Variants in TM4SF5 observed in about 807,000 individuals in gnomAD.
The protein encoded by TM4SF5 is transmembrane 4 L six family member 5.
A neutral mutation model predicts 22.3 loss-of-function variants in TM4SF5; 16 were observed. That is an observed-to-expected ratio of 0.72 (90% CI 0.49 to 1.09). The LOEUF is 1.09. TM4SF5 is among the 50% of genes least tolerant of loss of function. The pLI is 0.00. For synonymous variants in TM4SF5, 113 were observed against 109.6 expected, an observed-to-expected ratio of 1.03 and a Z score of -0.19; for missense variants, 249 against 266.1, an observed-to-expected ratio of 0.94 and a Z score of 0.45.
At chr17:4,782,727 C>T (rs1917336065) in intron 3 of TM4SF5, 88 bp downstream of exon 3, 21 of 1,583,280 alleles carry the variant, frequency 1.3e-5, no homozygotes, top group Non-Finnish European at 1.7e-5. Context: ...GGGCGGGACT[C>T]GACTTCGAGG....
chr17:4,779,270 T>A (rs894771752), intron 1 of TM4SF5, among the ~76,000 whole-genome samples: 93 of 150,302 alleles, frequency 6.2e-4, no homozygotes, highest in Admixed American at 1.2e-3. Flanking sequence ...GTCTACAAAA[T>A]TTTTTTTAAT....
At chr17:4,781,661 C>T (rs1202353803) in intron 2 of TM4SF5, among the ~76,000 whole-genome samples, 3 of 151,580 alleles carry the variant, frequency 2.0e-5, no homozygotes, top group South Asian at 2.1e-4. Context: ...GGATTACAGG[C>T]GCCTGCCACC....
chr17:4,780,860 C>T lies in TM4SF5; in HGVS notation c.249C>T (p.Asn83=). ...GCTGTGGTGCTGGGTGCTGTGGAAA[C>T]CGCTGCAGGGTAAGATCCAGATTAA... ...KGCCGAGCCG[N]RCRMLRSVFS... is the part of the protein sequence containing the mutation. Residue 83 remains asparagine, a synonymous_variant, in exon 2 of 5, where the codon AAC becomes AAT. Coordinates refer to ENST00000270560, the MANE Select transcript of TM4SF5 (RefSeq NM_003963.3). The T allele has an allele frequency of 6.2e-7, 1 of 1,611,840 alleles. No individual in the cohort carries two copies. Among genetic ancestry groups the T allele is most frequent in the South Asian group, 1.1e-5 (1 of 90,562 alleles).
rs144996889 is a variant in TM4SF5 at position 4,780,131 on chromosome 17, C to T, written c.178-658C>T. Among the ~76,000 whole-genome samples, 469 of 150,880 alleles carry T rather than the reference C, an allele frequency of 3.1e-3. 3 individuals are homozygous for T. Among genetic ancestry groups the T allele is most frequent in the African/African-American group, 0.011 (447 of 40,978 alleles). ...AGTACAGTGGCACGATCTCAGCTCA[C>T]CACAACCTCCACCTCCCAGGTTCAA... On this transcript the variant is annotated intron_variant, in intron 1 of 4. Transcript: ENST00000270560.
chr17:4,782,457 C>T, intron 2 of TM4SF5, 46 bp from the exon 3 acceptor site: 1 of 1,610,646 alleles, frequency 6.2e-7, no homozygotes, highest in Non-Finnish European at 8.5e-7. Context: ...TCGTCACCCA[C>T]AGGTGGGGAG....
chr17:4,778,165 A>G (rs1482875575), intron 1 of TM4SF5, among the ~76,000 whole-genome samples: 1 of 152,194 alleles, frequency 6.6e-6, no homozygotes, highest in African/African-American at 2.4e-5. Flanking sequence ...GAGGTAAAGT[A>G]AGGTGTCAGC....
intron 1 of TM4SF5, among the ~76,000 whole-genome samples, chr17:4,779,810 T>C (rs926692966): frequency 1.3e-5 from 2 of 152,170 alleles, no homozygotes; most frequent in Non-Finnish European, 2.9e-5. Context: ...GGCATCAGTT[T>C]TGGAGGCAAC....
chr17:4,772,656 C>G (rs981679133), intron 1 of TM4SF5, among the ~76,000 whole-genome samples: 54 of 151,584 alleles, frequency 3.6e-4, no homozygotes, highest in African/African-American at 9.7e-4. Context: ...AGTCGTCTTC[C>G]GGGAGATGAG....
intron 3 of TM4SF5, 52 bp from the exon 4 acceptor site, chr17:4,782,802 G>T (rs1342336816): frequency 1.9e-6 from 3 of 1,583,152 alleles, no homozygotes; most frequent in Non-Finnish European, 2.6e-6. Flanking sequence ...TTGGGGGCGG[G>T]GTGGCGCACG....
intron 1 of TM4SF5, among the ~76,000 whole-genome samples, chr17:4,778,555 C>T (rs2089409748): frequency 6.6e-6 from 1 of 152,080 alleles, no homozygotes; most frequent in African/African-American, 2.4e-5. Context: ...TGCAGTGAGC[C>T]ATGATTGCAC....
intron 1 of TM4SF5, among the ~76,000 whole-genome samples, chr17:4,772,449 C>T (rs1045972556): frequency 1.3e-5 from 2 of 152,150 alleles, no homozygotes; most frequent in Non-Finnish European, 2.9e-5. Context: ...GAGACGTCAT[C>T]GGGGCAGGAT....
Position 4,782,659 on chromosome 17 carries a change from C to A in TM4SF5, c.395+20C>A, listed in dbSNP as rs1178783362. On this transcript the variant is annotated intron_variant, in intron 3 of 4. Coordinates refer to ENST00000270560, the MANE Select transcript of TM4SF5 (RefSeq NM_003963.3). Reference sequence around the variant, plus strand: ...CACCGCGTAAGGTTTAGCCTGTATTCGTGTCCTCCATTCTCTGCCTCTTCC... The same window carrying A: ...CACCGCGTAAGGTTTAGCCTGTATTAGTGTCCTCCATTCTCTGCCTCTTCC... The A allele has an allele frequency of 6.2e-7, 1 of 1,613,632 alleles. No individual in the cohort carries two copies.
Position 4,782,488 on chromosome 17 carries a change from C to T in TM4SF5, c.259-15C>T, listed in dbSNP as rs768333748. 17 of 1,613,644 alleles carry T rather than the reference C, an allele frequency of 1.1e-5. No homozygotes were observed. In the South Asian group the frequency reaches 1.5e-4, roughly 15 times the overall value. ...GGGAGATTGGGCCTTACCTCCCCTT[C>T]CACACCACATCCAGATGCTGCGCTC... On this transcript the variant is annotated splice_polypyrimidine_tract_variant and intron_variant, in intron 2 of 4. Coordinates refer to ENST00000270560, the MANE Select transcript of TM4SF5 (RefSeq NM_003963.3).
At chr17:4,777,112 T>A (rs2150646145) in intron 1 of TM4SF5, among the ~76,000 whole-genome samples, 1 of 149,194 alleles carries the variant, frequency 6.7e-6, no homozygotes, top group East Asian at 2.0e-4. Flanking sequence ...CAGGAGAATC[T>A]CCTGAACCCA....
At chr17:4,781,160 A>AG in intron 2 of TM4SF5, among the ~76,000 whole-genome samples, 1 of 143,464 alleles carries the variant, frequency 7.0e-6, no homozygotes, top group African/African-American at 2.5e-5. Context: ...AAAAAAAAAA[A>AG]GAAGAGAAAA....
At chr17:4,781,448 A>G (rs1251947334) in intron 2 of TM4SF5, among the ~76,000 whole-genome samples, 1 of 152,056 alleles carries the variant, frequency 6.6e-6, no homozygotes, top group East Asian at 1.9e-4. Context: ...GTGCCATTGC[A>G]TTCCAGCCTG....
At chr17:4,773,045 C>T (rs560577496) in intron 1 of TM4SF5, among the ~76,000 whole-genome samples, 4 of 151,770 alleles carry the variant, frequency 2.6e-5, no homozygotes, top group Non-Finnish European at 5.9e-5. Context: ...GCTGGGATTA[C>T]GGTCACGTGC....
At chr17:4,773,493 TC>T (rs1485269923) in intron 1 of TM4SF5, among the ~76,000 whole-genome samples, 1 of 152,086 alleles carries the variant, frequency 6.6e-6, no homozygotes, top group Non-Finnish European at 1.5e-5. Context: ...CCAGCACAGT[TC>T]CCCACTTCTC....
intron 2 of TM4SF5, among the ~76,000 whole-genome samples, chr17:4,781,376 T>C (rs140623463): frequency 0.063 from 9,377 of 149,386 alleles, 967 homozygotes; most frequent in African/African-American, 0.22. Context: ...GGTGTGGTGG[T>C]GGGCGCCTGT....
Sources: gnomAD v4.1 joint callset for allele counts (sites outside exome capture counted in the v4.1 genomes callset) on GRCh38, gnomAD v4.1.1 for gene constraint, MANE v1.5 for transcripts, NCBI Gene and HGNC (gene_info 2026-07-23, HGNC 2026-07-21) for gene names.